The following CNNM1 variants were observed in gnomAD, a reference collection of about 807,000 sequenced individuals.
CNNM1 encodes cyclin and CBS domain divalent metal cation transport mediator 1, also known as metal transporter CNNM1.
A neutral mutation model predicts 78.8 loss-of-function variants in CNNM1; 44 were observed. That is an observed-to-expected ratio of 0.56 (90% confidence interval 0.44 to 0.72). CNNM1 has a LOEUF of 0.72. Among genes scored for constraint, CNNM1 ranks in the 30% least tolerant of loss-of-function variants. CNNM1 has a pLI of 0.00. For synonymous variants in CNNM1, 584 were observed against 581.5 expected (o/e 1.00, Z -0.06); for missense variants, 1,101 against 1,292.2 (o/e 0.85, Z 2.27).
At position 99,329,904 on chromosome 10, in the gene CNNM1, G is replaced by A; in HGVS notation, c.517G>A (p.Glu173Lys). 1 of 1,387,496 alleles carries A rather than the reference G, an allele frequency of 7.2e-7. No homozygotes were observed. Among genetic ancestry groups the A allele is most frequent in the Non-Finnish European group, 9.3e-7 (1 of 1,078,616 alleles). The allele number at this position is 1,387,496 out of a possible 1,614,324, so 85.9% of individuals were successfully genotyped here. A position where few individuals can be genotyped will look rare whatever the true frequency, so the allele number is the denominator to read the frequency against. The change falls in exon 1 of 11, where the codon GAG becomes AAG. Residue 173 changes from glutamate to lysine, a missense_variant. By Grantham distance (56) the Glu-to-Lys change is moderately conservative (BLOSUM62 1). This residue lies in a region of CNNM1 where 476 missense variants were observed against 484.5 expected (regional missense o/e 0.98). Transcript: ENST00000356713. ...RVRELRKGEA[E>K]RGGAGGGGKL... is the part of the protein sequence containing the mutation. Reference sequence around the variant, plus strand: ...GCGGGAGCTGCGCAAGGGCGAAGCGGAGCGGGGCGGCGCGGGCGGTGGCGG... The same window carrying A: ...GCGGGAGCTGCGCAAGGGCGAAGCGAAGCGGGGCGGCGCGGGCGGTGGCGG...
At chr10:99,354,970 G>C (rs866623664) in intron 1 of CNNM1, among the ~76,000 whole-genome samples, 24 of 152,018 alleles carry the variant, frequency 1.6e-4, no homozygotes, top group African/African-American at 5.8e-4. Context: ...GTTGAAGGTG[G>C]GGAAAAAATT....
At chr10:99,378,452 G>T (rs890003208) in intron 7 of CNNM1, among the ~76,000 whole-genome samples, 1 of 152,158 alleles carries the variant, frequency 6.6e-6, no homozygotes, top group African/African-American at 2.4e-5. Flanking sequence ...CAGAACGCAC[G>T]CCTTCATTAT....
Position 99,330,013 on chromosome 10 carries a change from C to A in CNNM1, c.626C>A (p.Pro209Gln), listed in dbSNP as rs192243189. The change falls in exon 1 of 11, where the codon CCG (proline) becomes CAG (glutamine). Residue 209 changes from proline to glutamine, a missense_variant. Pro to Gln is a moderately conservative substitution (Grantham distance 76). Coordinates refer to ENST00000356713, the MANE Select transcript of CNNM1 (RefSeq NM_020348.3). ...GGCGGCTTCCTGCTGCGCGTTCGCC[C>A]GCGGTTGTACGGCCCAGGCGGGGAC... ...AAGGFLLRVRPRLYGPGGDLL... is the reference protein window; with the variant it reads ...AAGGFLLRVRQRLYGPGGDLL... The A allele has an allele frequency of 2.1e-6, 3 of 1,418,678 alleles. No homozygotes were observed. Among genetic ancestry groups the A allele is most frequent in the Non-Finnish European group, 2.7e-6 (3 of 1,099,240 alleles). 87.9% of individuals were successfully genotyped at this position (1,418,678 alleles called of 1,614,324 possible).
chr10:99,359,618 T>G (rs979366831), intron 2 of CNNM1, among the ~76,000 whole-genome samples: 1 of 152,006 alleles, frequency 6.6e-6, no homozygotes, highest in African/African-American at 2.4e-5. Context: ...GGAGGGCACT[T>G]TGACCCTTCT....
intron 1 of CNNM1, among the ~76,000 whole-genome samples, chr10:99,347,302 C>T (rs994663238): frequency 2.0e-5 from 3 of 151,966 alleles, no homozygotes; most frequent in East Asian, 1.9e-4. Flanking sequence ...AGGTGGATCA[C>T]GAGGTCAGGA....
intron 1 of CNNM1, among the ~76,000 whole-genome samples, chr10:99,354,903 G>A (rs1564945995): frequency 6.6e-6 from 1 of 152,138 alleles, no homozygotes; most frequent in Non-Finnish European, 1.5e-5. Flanking sequence ...TAGCCATAGT[G>A]TTTTTGAGGA....
chr10:99,388,038 G>C (rs764340004), intron 8 of CNNM1, 35 bp downstream of exon 8: 9 of 1,577,816 alleles, frequency 5.7e-6, no homozygotes, highest in Non-Finnish European at 7.7e-6. Flanking sequence ...GGCTGGGCTG[G>C]TGTGGGGTGA....
At chr10:99,376,277 C>T (rs2031959795) in intron 6 of CNNM1, among the ~76,000 whole-genome samples, 1 of 152,192 alleles carries the variant, frequency 6.6e-6, no homozygotes, top group Non-Finnish European at 1.5e-5. Context: ...GACCAGGGGT[C>T]CAGAAGCCCT....
Position 99,394,169 on chromosome 10 carries a change from A to G in CNNM1, c.*2653A>G, listed in dbSNP as rs1325484347. 6.6e-6 allele frequency: 1 copy of G among 152,380 alleles called. No individual in the cohort carries two copies. The highest frequency in any genetic ancestry group is 6.6e-5 in the Admixed American group (1 of 15,244). The allele number at this position is 152,380 out of a possible 1,614,324, so 9.4% of individuals were successfully genotyped here. On this transcript the variant is annotated 3_prime_UTR_variant, in exon 11 of 11. Coordinates refer to ENST00000356713, the MANE Select transcript of CNNM1 (RefSeq NM_020348.3). ...ACACCCATCCCTTTGCAAAATCCCTATGGAGCCTGTCACCACTCCCCTCCC... is the reference window on the plus strand; with the variant it reads ...ACACCCATCCCTTTGCAAAATCCCTGTGGAGCCTGTCACCACTCCCCTCCC...
intron 6 of CNNM1, among the ~76,000 whole-genome samples, chr10:99,370,533 GC>G (rs2031763883): frequency 6.6e-6 from 1 of 152,116 alleles, no homozygotes; most frequent in Non-Finnish European, 1.5e-5. Flanking sequence ...TGTCACTCTT[GC>G]TTTTGTTCCA....
intron 6 of CNNM1, among the ~76,000 whole-genome samples, chr10:99,372,754 C>G (rs551245613): frequency 5.3e-5 from 8 of 152,102 alleles, no homozygotes; most frequent in Non-Finnish European, 1.2e-4. Flanking sequence ...AGCATCCAAC[C>G]TACTAAGGAA....
intron 9 of CNNM1, among the ~76,000 whole-genome samples, chr10:99,389,457 AAT>A (rs2032409650): frequency 6.6e-6 from 1 of 152,048 alleles, no homozygotes; most frequent in African/African-American, 2.4e-5. Flanking sequence ...TCAACAAGAC[AAT>A]ATGTTTGAAC....
chr10:99,336,511 A>G (rs1176057437), intron 1 of CNNM1, among the ~76,000 whole-genome samples: 1 of 152,236 alleles, frequency 6.6e-6, no homozygotes, highest in African/African-American at 2.4e-5. Context: ...AAATCTGTAC[A>G]TAATTTAATC....
intron 7 of CNNM1, among the ~76,000 whole-genome samples, chr10:99,381,935 A>C (rs888026782): frequency 6.6e-6 from 1 of 151,826 alleles, no homozygotes; most frequent in Admixed American, 6.6e-5. Context: ...CTGATTGATT[A>C]GACTGTGTTA....
At chr10:99,358,677 A>C (rs2031314803) in intron 2 of CNNM1, among the ~76,000 whole-genome samples, 1 of 152,136 alleles carries the variant, frequency 6.6e-6, no homozygotes, top group South Asian at 2.1e-4. Flanking sequence ...ACCTCCCTCC[A>C]AGAGCCTGGG....
At chr10:99,341,059 G>A (rs1350719859) in intron 1 of CNNM1, among the ~76,000 whole-genome samples, 2 of 152,278 alleles carry the variant, frequency 1.3e-5, no homozygotes, top group Admixed American at 6.5e-5. Context: ...TAAGTGAGTT[G>A]AAGAAAAAGT....
chr10:99,374,743 A>G (rs1369284911), intron 6 of CNNM1, among the ~76,000 whole-genome samples: 5 of 152,134 alleles, frequency 3.3e-5, no homozygotes, highest in African/African-American at 7.2e-5. Flanking sequence ...TTTATTCTAC[A>G]TGTTTTCCTT....
intron 7 of CNNM1, among the ~76,000 whole-genome samples, chr10:99,384,134 G>A (rs749389296): frequency 1.6e-4 from 25 of 152,234 alleles, no homozygotes; most frequent in East Asian, 3.9e-4. Flanking sequence ...CGGGACTCAC[G>A]TTACATTTCT....
intron 7 of CNNM1, among the ~76,000 whole-genome samples, chr10:99,379,636 C>T (rs1395803113): frequency 8.4e-6 from 1 of 119,712 alleles, no homozygotes; most frequent in Non-Finnish European, 1.7e-5. Context: ...TTAAGTGTGG[C>T]GGGATTTTTT....
Sources: gnomAD v4.1 joint callset for allele counts (sites outside exome capture counted in the v4.1 genomes callset) on GRCh38, gnomAD v4.1.1 for gene constraint, gnomAD v4.1.1 regional missense constraint, MANE v1.5 for transcripts, NCBI Gene and HGNC (gene_info 2026-07-23, HGNC 2026-07-21) for gene names.